CUL5: variants seen among roughly 807,000 people sequenced by gnomAD.
The protein encoded by CUL5 is cullin 5, also known as cullin-5.
Under a neutral mutation model 108.8 loss-of-function variants are expected in CUL5, and 26 were observed. That is an observed-to-expected ratio of 0.24 (90% CI 0.18 to 0.33). CUL5 has a LOEUF of 0.33. Among genes scored for constraint, CUL5 ranks in the 10% least tolerant of loss-of-function variants. The pLI is 1.00. For synonymous variants in CUL5, 334 were observed against 298.0 expected, an observed-to-expected ratio of 1.12 and a Z score of -1.25; for missense variants, 524 against 909.2, an observed-to-expected ratio of 0.58 and a Z score of 5.45.
intron 5 of CUL5, 121 bp from the exon 6 acceptor site, chr11:108,054,526 T>C: frequency 3.1e-6 from 2 of 639,716 alleles, no homozygotes; most frequent in Non-Finnish European, 2.6e-6. Context: ...TATATAATTA[T>C]ATGTTCTCTT....
chr11:108,083,098 TCTGA>T lies in CUL5; in HGVS notation c.1178+4861_1178+4864del, dbSNP rs1864137042. ...TCCAGTTTGGTTCTATTTTCTTTTC[TCTGA>T]CTAATTGCTCTGACCGGAACGTCTA... On this transcript the variant is annotated intron_variant, in intron 11 of 18. Coordinates refer to ENST00000393094, the MANE Select transcript of CUL5 (RefSeq NM_003478.6). Among the ~76,000 whole-genome samples the T allele has an allele frequency of 2.0e-5, 3 of 152,240 alleles. No homozygotes were observed. In the South Asian group the frequency reaches 6.2e-4, roughly 31 times the overall value.
intron 7 of CUL5, among the ~76,000 whole-genome samples, chr11:108,056,560 G>C (rs1863384733): frequency 1.3e-5 from 2 of 152,170 alleles, no homozygotes. Flanking sequence ...GTTATTTATA[G>C]AAGTTCTTTA....
At position 108,088,601 on chromosome 11, in the gene CUL5, A is replaced by G. The variant is rs1864279527; in HGVS notation, c.1253A>G (p.Lys418Arg). ...LANYCDMLLRKTPLSKKLTSE... is the reference protein window; with the variant it reads ...LANYCDMLLRRTPLSKKLTSE... The stretch of plus-strand genomic sequence containing the variant: ...AATTACTGTGACATGTTGCTAAGAA[A>G]AACACCATTAAGCAAAAAACTAACC... The change falls in exon 12 of 19, where the codon AAA becomes AGA. Residue 418 changes from lysine to arginine, a missense_variant. Coordinates refer to ENST00000393094, the MANE Select transcript of CUL5 (RefSeq NM_003478.6). 1 of 1,612,888 alleles carries G rather than the reference A, an allele frequency of 6.2e-7. No individual in the cohort carries two copies. Among genetic ancestry groups the G allele is most frequent in the Admixed American group, 1.7e-5 (1 of 59,800 alleles).
At chr11:108,092,714 T>A (rs1864389189) in intron 13 of CUL5, among the ~76,000 whole-genome samples, 1 of 152,166 alleles carries the variant, frequency 6.6e-6, no homozygotes, top group Non-Finnish European at 1.5e-5. Flanking sequence ...ATGGGGTTTC[T>A]TTTTGGGGTG....
Position 108,104,591 on chromosome 11 carries a change from C to T in CUL5, c.*207C>T, listed in dbSNP as rs1279321975. On this transcript the variant is annotated 3_prime_UTR_variant, in exon 19 of 19. Coordinates refer to ENST00000393094, the MANE Select transcript of CUL5 (RefSeq NM_003478.6). ...CTTCATGTTGCACACTCTTTGACAG[C>T]ATGCTGTTTTGTGGAGAAACTTGCA... 4.5e-5 allele frequency: 17 copies of T among 378,492 alleles called. No homozygotes were observed. Among genetic ancestry groups the T allele is most frequent in the Non-Finnish European group, 7.5e-5 (16 of 213,738 alleles). The allele number at this position is 378,492 out of a possible 1,614,324, so 23.4% of individuals were successfully genotyped here. A position where few individuals can be genotyped will look rare whatever the true frequency, so the allele number is the denominator to read the frequency against.
chr11:108,039,082 G>T (rs185078708), intron 2 of CUL5, among the ~76,000 whole-genome samples: 1 of 151,526 alleles, frequency 6.6e-6, no homozygotes, highest in Non-Finnish European at 1.5e-5. Flanking sequence ...GTGCAATGGC[G>T]CAATCTCGGC....
intron 1 of CUL5, among the ~76,000 whole-genome samples, chr11:108,029,642 C>T (rs950398264): frequency 3.3e-5 from 5 of 152,060 alleles, no homozygotes; most frequent in Non-Finnish European, 7.4e-5. Flanking sequence ...GAGAATAGGT[C>T]AAGGAACTAC....
At chr11:108,037,768 C>T (rs1457924289) in intron 2 of CUL5, among the ~76,000 whole-genome samples, 5 of 152,136 alleles carry the variant, frequency 3.3e-5, no homozygotes, top group African/African-American at 1.2e-4. Context: ...AAGTGTTCAA[C>T]GTAAGTCACA....
At chr11:108,033,746 A>G (rs1265661836) in intron 1 of CUL5, 56 bp from the exon 2 acceptor site, 2 of 1,093,998 alleles carry the variant, frequency 1.8e-6, no homozygotes, top group Non-Finnish European at 1.4e-6. Context: ...ATTACAGGAT[A>G]CTTTTTATTT....
intron 7 of CUL5, among the ~76,000 whole-genome samples, chr11:108,067,208 A>G (rs933553541): frequency 6.6e-6 from 1 of 152,236 alleles, no homozygotes; most frequent in Non-Finnish European, 1.5e-5. Context: ...AGCATTTAGC[A>G]TAATGCCTGG....
chr11:108,060,584 C>G (rs1425738821), intron 7 of CUL5, among the ~76,000 whole-genome samples: 4 of 152,022 alleles, frequency 2.6e-5, no homozygotes, highest in Non-Finnish European at 5.9e-5. Context: ...GCCTCTAATC[C>G]CAGCACTTTA....
intron 16 of CUL5, among the ~76,000 whole-genome samples, chr11:108,096,942 T>A (rs1012652456): frequency 1.3e-5 from 2 of 152,184 alleles, no homozygotes; most frequent in Non-Finnish European, 2.9e-5. Context: ...TTGGTCTGTT[T>A]GAGGACTTGT....
At position 108,107,163 on chromosome 11, in the gene CUL5, C is replaced by A. The variant is rs150382024; in HGVS notation, c.*2779C>A. 6.6e-6 allele frequency: 1 copy of A among 151,786 alleles called. No individual in the cohort carries two copies. The highest frequency in any genetic ancestry group is 1.5e-5 in the Non-Finnish European group (1 of 67,934). 9.4% of individuals were successfully genotyped at this position (151,786 alleles called of 1,614,324 possible). Reference sequence around the variant, plus strand: ...TGGAGGGGTCCCTGAGTTCTGTCAACTTTTTTATTTAAGTCTCTTGCTCTT... The same window carrying A: ...TGGAGGGGTCCCTGAGTTCTGTCAAATTTTTTATTTAAGTCTCTTGCTCTT... On this transcript the variant is annotated 3_prime_UTR_variant, in exon 19 of 19. Coordinates refer to ENST00000393094, the MANE Select transcript of CUL5 (RefSeq NM_003478.6).
intron 11 of CUL5, among the ~76,000 whole-genome samples, chr11:108,079,891 T>G (rs1864031726): frequency 6.6e-6 from 1 of 152,236 alleles, no homozygotes; most frequent in African/African-American, 2.4e-5. Context: ...ATTGTGTTTT[T>G]GAAATTCTTT....
chr11:108,047,069 G>A (rs1591296164), intron 3 of CUL5, among the ~76,000 whole-genome samples: 1 of 152,158 alleles, frequency 6.6e-6, no homozygotes, highest in East Asian at 1.9e-4. Context: ...TGTAATCCCA[G>A]CACTTTGGGA....
intron 7 of CUL5, among the ~76,000 whole-genome samples, 182 bp from the exon 8 acceptor site, chr11:108,069,914 A>G (rs574108541): frequency 2.0e-5 from 3 of 152,332 alleles, no homozygotes; most frequent in African/African-American, 7.2e-5. Flanking sequence ...CCTTAGGGGA[A>G]AATACACTTT....
chr11:108,017,998 T>G (rs1862244770), intron 1 of CUL5, among the ~76,000 whole-genome samples: 2 of 152,210 alleles, frequency 1.3e-5, no homozygotes, highest in Non-Finnish European at 2.9e-5. Context: ...TCCTATAGCT[T>G]TCCTGGGCTT....
At chr11:108,058,320 C>T (rs1307591014) in intron 7 of CUL5, among the ~76,000 whole-genome samples, 2 of 142,508 alleles carry the variant, frequency 1.4e-5, no homozygotes, top group African/African-American at 5.3e-5. Context: ...GCAGTCTCCG[C>T]TCACTGCAAC....
intron 11 of CUL5, among the ~76,000 whole-genome samples, chr11:108,078,658 T>C (rs1433803401): frequency 1.3e-5 from 2 of 152,168 alleles, no homozygotes; most frequent in Admixed American, 6.5e-5. Context: ...GCCTAGCTTA[T>C]AGAAAATCTG....
Sources: allele counts gnomAD v4.1 joint callset (sites outside exome capture counted in the v4.1 genomes callset), GRCh38; gene constraint gnomAD v4.1.1; transcripts MANE v1.5; gene names NCBI Gene and HGNC (gene_info 2026-07-23, HGNC 2026-07-21).